The following TRAPPC9 variants were observed in gnomAD, a reference collection of about 807,000 sequenced individuals.
TRAPPC9 encodes trafficking protein particle complex subunit 9, also known as IKK2 binding protein.
Under a neutral mutation model 124.0 loss-of-function variants are expected in TRAPPC9, and 83 were observed. The observed-to-expected ratio is 0.67, with a 90% CI of 0.56 to 0.80. The LOEUF is 0.80. Ranked by LOEUF, TRAPPC9 falls within the 30% of genes least tolerant of loss-of-function variation. The probability of loss-of-function intolerance (pLI) is 0.00; values close to 1 mark genes in which losing one functional copy is unlikely to be tolerated. For missense variants in TRAPPC9, 1,302 were observed against 1,508.3 expected, an observed-to-expected ratio of 0.86 and a Z score of 2.27; for synonymous variants, 638 against 617.5, an observed-to-expected ratio of 1.03 and a Z score of -0.49.
At chr8:139,743,457 G>C (rs1016754353) in intron 21 of TRAPPC9, among the ~76,000 whole-genome samples, 1 of 152,228 alleles carries the variant, frequency 6.6e-6, no homozygotes, top group Non-Finnish European at 1.5e-5. Context: ...AGTGAGTCAA[G>C]TTTTTAAGGC....
chr8:139,995,849 G>A (rs1444288164), intron 18 of TRAPPC9, among the ~76,000 whole-genome samples: 35 of 125,774 alleles, frequency 2.8e-4, no homozygotes, highest in African/African-American at 1.0e-3. Flanking sequence ...GCCTGCAAAA[G>A]GTACTCTGCA....
Position 140,252,621 on chromosome 8 carries a change from ACT to A in TRAPPC9, c.2431+154_2431+155del. 1.3e-6 allele frequency: 1 copy of A among 754,312 alleles called. No homozygotes were observed. The highest frequency in any genetic ancestry group is 1.7e-5 in the African/African-American group (1 of 57,914). 46.7% of individuals were successfully genotyped at this position (754,312 alleles called of 1,614,324 possible). A position where few individuals can be genotyped will look rare whatever the true frequency, so the allele number is the denominator to read the frequency against. ...TACTTTCAGACACATACAGTAACACACTCTGTTAACAAAGTGCCCAGGAGATG... is the reference window on the plus strand; with the variant it reads ...TACTTTCAGACACATACAGTAACACACTGTTAACAAAGTGCCCAGGAGATG... On this transcript the variant is annotated intron_variant, in intron 16 of 22. Transcript: ENST00000438773. This position sits in a 1 kb window ranked among gnomAD's most constrained non-coding sequence, Gnocchi z 4.2.
At chr8:140,307,772 C>T (rs139739756) in intron 10 of TRAPPC9, among the ~76,000 whole-genome samples, 125 of 152,288 alleles carry the variant, frequency 8.2e-4, no homozygotes, top group African/African-American at 3.0e-3. Context: ...CCCTATTAAG[C>T]AAAAGATAGA....
At chr8:140,167,800 C>A (rs1386385799) in intron 17 of TRAPPC9, among the ~76,000 whole-genome samples, 3 of 152,018 alleles carry the variant, frequency 2.0e-5, no homozygotes, top group Non-Finnish European at 2.9e-5. Context: ...AGTACTTCTA[C>A]AAAGAAACGA....
At chr8:140,309,166 T>A (rs184546820) in intron 10 of TRAPPC9, among the ~76,000 whole-genome samples, 3 of 152,242 alleles carry the variant, frequency 2.0e-5, no homozygotes, top group African/African-American at 7.2e-5. Context: ...TACTTTTCAA[T>A]GTACTGTTTG....
In TRAPPC9 at chr8:140,378,871, T is replaced by C. The variant is rs1023650439; in HGVS notation, c.1135-7691A>G. Among the ~76,000 whole-genome samples the C allele has an allele frequency of 6.6e-5, 10 of 152,262 alleles. No homozygotes were observed. The South Asian group carries it at 1.9e-3, about 28-fold the overall frequency. ...TTCCAAGGCCTACTGACTTTCAGAA[T>C]TCCTGCTTTTGGGAAAAGGATTTCC... On this transcript the variant is annotated intron_variant, in intron 7 of 22. Coordinates refer to ENST00000438773, the MANE Select transcript of TRAPPC9 (RefSeq NM_001160372.4).
chr8:140,228,069 T>C (rs1186139199), intron 16 of TRAPPC9, among the ~76,000 whole-genome samples: 2 of 152,248 alleles, frequency 1.3e-5, no homozygotes, highest in East Asian at 3.8e-4. Context: ...ACAAGGACCC[T>C]TGCAGGGGCT....
chr8:139,976,525 G>A (rs1807289863), intron 19 of TRAPPC9, among the ~76,000 whole-genome samples: 1 of 152,164 alleles, frequency 6.6e-6, no homozygotes, highest in Non-Finnish European at 1.5e-5. Context: ...AAGGGCTTAT[G>A]ACCACAATGC....
intron 15 of TRAPPC9, among the ~76,000 whole-genome samples, chr8:140,265,882 G>A (rs1175888854): frequency 6.6e-6 from 1 of 152,030 alleles, no homozygotes; most frequent in African/African-American, 2.4e-5. Context: ...AGAGAATCTC[G>A]CCTCAAAACA....
At chr8:140,171,004 C>T (rs2061954915) in intron 17 of TRAPPC9, among the ~76,000 whole-genome samples, 2 of 152,196 alleles carry the variant, frequency 1.3e-5, no homozygotes, top group Admixed American at 6.5e-5. Context: ...TGACACCTGG[C>T]CAGCCACATT....
chr8:139,930,898 C>A (rs553172095), intron 19 of TRAPPC9, among the ~76,000 whole-genome samples: 5 of 152,284 alleles, frequency 3.3e-5, no homozygotes, highest in African/African-American at 1.2e-4. Flanking sequence ...ACGCTGGACA[C>A]CTGCATTAGC....
intron 2 of TRAPPC9, among the ~76,000 whole-genome samples, chr8:140,445,981 G>A (rs2071237583): frequency 6.6e-6 from 1 of 152,200 alleles, no homozygotes; most frequent in Non-Finnish European, 1.5e-5. Context: ...CCACCAGTGA[G>A]GGACATTAGC....
intron 17 of TRAPPC9, among the ~76,000 whole-genome samples, chr8:140,112,420 C>G (rs1404148732): frequency 6.8e-6 from 1 of 147,498 alleles, no homozygotes; most frequent in African/African-American, 2.5e-5. Flanking sequence ...GAATTCCAGA[C>G]GATGGTGGGA....
chr8:139,757,905 G>T (rs1172854406), intron 21 of TRAPPC9, among the ~76,000 whole-genome samples: 1 of 152,152 alleles, frequency 6.6e-6, no homozygotes, highest in Middle Eastern at 3.2e-3. Context: ...CTTCCTCCAG[G>T]GAGTCACATG....
chr8:140,315,748 A>C (rs184371652), intron 9 of TRAPPC9, among the ~76,000 whole-genome samples: 105 of 152,330 alleles, frequency 6.9e-4, no homozygotes, highest in African/African-American at 2.3e-3. Flanking sequence ...GGTTCCCTAA[A>C]GTCCAAAAGT....
intron 17 of TRAPPC9, among the ~76,000 whole-genome samples, chr8:140,211,173 A>G (rs1481302039): frequency 2.0e-5 from 3 of 152,194 alleles, no homozygotes; most frequent in Non-Finnish European, 2.9e-5. Flanking sequence ...CAGGAGGTTC[A>G]CTTGAGGCCA....
rs191753096 is a variant in TRAPPC9, at chr8:140,073,242, T to C, written c.2557-49163A>G. On this transcript the variant is annotated intron_variant, in intron 17 of 22. Coordinates refer to ENST00000438773, the MANE Select transcript of TRAPPC9 (RefSeq NM_001160372.4). ...CAATATTTCCAAGAAAGAAAAATCATGTCAACAAAATTACTTGAAAAATGT... is the reference window on the plus strand; with the variant it reads ...CAATATTTCCAAGAAAGAAAAATCACGTCAACAAAATTACTTGAAAAATGT... 4.5e-4 allele frequency among the ~76,000 whole-genome samples: 68 copies of C among 152,312 alleles called. 1 individual carries two copies. Among genetic ancestry groups the C allele is most frequent in the Non-Finnish European group, 1.3e-4 (9 of 68,032 alleles).
rs1240307519 is a variant in TRAPPC9, at chr8:140,421,798, A to T, written c.886+4817T>A. Among the ~76,000 whole-genome samples the T allele has an allele frequency of 3.3e-5, 5 of 152,130 alleles. No homozygotes were observed. The East Asian group carries it at 9.6e-4, about 29-fold the overall frequency. ...TTTTTGAACTTTCTGTAGTCATGAC[A>T]CTACCTTTATTAGTGTGATGACCAG... On this transcript the variant is annotated intron_variant, in intron 5 of 22. Coordinates refer to ENST00000438773, the MANE Select transcript of TRAPPC9 (RefSeq NM_001160372.4).
intron 21 of TRAPPC9, among the ~76,000 whole-genome samples, chr8:139,752,685 ACCAT>A (rs1433029642): frequency 2.7e-5 from 4 of 149,854 alleles, no homozygotes; most frequent in South Asian, 2.1e-4. Flanking sequence ...CCATCTCTCT[ACCAT>A]CCATCCATCT....
Sources: allele counts gnomAD v4.1 joint callset (sites outside exome capture counted in the v4.1 genomes callset), GRCh38; gene constraint gnomAD v4.1.1; non-coding constraint Gnocchi (gnomAD v3.1); transcripts MANE v1.5; gene names NCBI Gene and HGNC (gene_info 2026-07-23, HGNC 2026-07-21).